JAK2: variants seen among roughly 807,000 people sequenced by gnomAD.
The protein encoded by JAK2 is Janus kinase 2, also known as tyrosine-protein kinase JAK2.
A neutral mutation model predicts 139.3 loss-of-function variants in JAK2; 86 were observed. The observed-to-expected ratio is 0.62, with a 90% CI of 0.52 to 0.74. The LOEUF (loss-of-function observed/expected upper bound fraction) is 0.74. Among genes scored for constraint, JAK2 ranks in the 30% least tolerant of loss-of-function variants. The probability of loss-of-function intolerance (pLI) is 0.00; values close to 1 mark genes in which losing one functional copy is unlikely to be tolerated. For synonymous variants in JAK2, 490 were observed against 437.7 expected (o/e 1.12, Z -1.49); for missense variants, 1,421 against 1,360.3 (o/e 1.04, Z -0.70).
At position 5,108,217 on chromosome 9, in the gene JAK2, T is replaced by C. The variant is rs533488322; in HGVS notation, c.3060-14787T>C. On this transcript the variant is annotated intron_variant, in intron 22 of 24. Transcript: ENST00000381652. ...AAAAGCTCTATATTTCTATATTGAT[T>C]TCCCTGCAGATTTTTTAAAATTATA... 5 of 152,264 alleles carry C rather than the reference T, an allele frequency of 3.3e-5. No individual in the cohort carries two copies. The East Asian group carries it at 9.6e-4, about 29-fold the overall frequency. The allele number at this position is 152,264 out of a possible 1,614,324, so 9.4% of individuals were successfully genotyped here. A position where few individuals can be genotyped will look rare whatever the true frequency, so the allele number is the denominator to read the frequency against.
At chr9:5,111,163 C>T in intron 22 of JAK2, 2 of 763,744 alleles carry the variant, frequency 2.6e-6, no homozygotes, top group South Asian at 2.9e-5. Flanking sequence ...TGCTGAGTCG[C>T]ACGGCAGCCA....
intron 22 of JAK2, chr9:5,113,558 C>T (rs1586823516): frequency 6.4e-6 from 1 of 156,304 alleles, no homozygotes; most frequent in East Asian, 1.9e-4. Flanking sequence ...CGCCTCCACA[C>T]AGGGCCCATC....
chr9:4,992,211 G>C (rs1372292197), intron 2 of JAK2, among the ~76,000 whole-genome samples: 1 of 152,214 alleles, frequency 6.6e-6, no homozygotes, highest in Non-Finnish European at 1.5e-5. Context: ...TAGCTGGGCT[G>C]TTAACTGGAG....
rs888181866 is a variant in JAK2 at position 5,126,851 on chromosome 9, C to T, written c.*60C>T. 1.4e-4 allele frequency: 140 copies of T among 991,870 alleles called. No homozygotes were observed. The highest frequency in any genetic ancestry group is 2.1e-4 in the Non-Finnish European group (131 of 635,816). The allele number at this position is 991,870 out of a possible 1,614,324, so 61.4% of individuals were successfully genotyped here. A position where few individuals can be genotyped will look rare whatever the true frequency, so the allele number is the denominator to read the frequency against. On this transcript the variant is annotated 3_prime_UTR_variant, in exon 25 of 25. Transcript: ENST00000381652. Reference sequence around the variant, plus strand: ...TTACAGAACAAAGTTTTATATTTCACATTGCTGTGGACTATTATTACATAT... The same window carrying T: ...TTACAGAACAAAGTTTTATATTTCATATTGCTGTGGACTATTATTACATAT...
chr9:5,041,460 G>A lies in JAK2; in HGVS notation c.351-2943G>A, dbSNP rs1206337763. Reference sequence around the variant, plus strand: ...CTGTGCAGCAGCCTCCCCTGGCAGGGGCTCAAGGCTGACACGATCATGAGC... The same window carrying A: ...CTGTGCAGCAGCCTCCCCTGGCAGGAGCTCAAGGCTGACACGATCATGAGC... On this transcript the variant is annotated intron_variant, in intron 4 of 24. Transcript: ENST00000381652. The A allele has an allele frequency of 2.1e-5, 13 of 608,992 alleles. No homozygotes were observed. In the Admixed American group the frequency reaches 2.9e-4, roughly 13 times the overall value. The allele number at this position is 608,992 out of a possible 1,614,324, so 37.7% of individuals were successfully genotyped here.
chr9:5,103,138 T>C (rs1358601846), intron 22 of JAK2, among the ~76,000 whole-genome samples: 1 of 145,918 alleles, frequency 6.9e-6, no homozygotes, highest in African/African-American at 2.6e-5. Context: ...CTGTGCTGTA[T>C]TCAGGAGACC....
At chr9:5,010,717 A>C (rs1000592278) in intron 2 of JAK2, among the ~76,000 whole-genome samples, 4 of 152,088 alleles carry the variant, frequency 2.6e-5, no homozygotes, top group African/African-American at 9.7e-5. Context: ...CTTTCTGTAA[A>C]CCTGAGTTTA....
chr9:5,116,313 A>C (rs1200527673), intron 22 of JAK2, among the ~76,000 whole-genome samples: 1 of 152,208 alleles, frequency 6.6e-6, no homozygotes, highest in Non-Finnish European at 1.5e-5. Flanking sequence ...TAATGCTTTA[A>C]TCTGGCATTA....
chr9:5,115,437 A>C (rs1392797979), intron 22 of JAK2, among the ~76,000 whole-genome samples: 1 of 152,234 alleles, frequency 6.6e-6, no homozygotes, highest in Admixed American at 6.5e-5. Context: ...ATGTGGAAAA[A>C]CAGGAATGCT....
intron 22 of JAK2, among the ~76,000 whole-genome samples, chr9:5,122,698 G>A (rs962689307): frequency 2.1e-4 from 32 of 151,984 alleles, no homozygotes; most frequent in Admixed American, 1.7e-3. Context: ...GGCACTCTCC[G>A]CCTGGCACAT....
At chr9:5,027,297 A>G (rs988411861) in intron 3 of JAK2, among the ~76,000 whole-genome samples, 3 of 152,244 alleles carry the variant, frequency 2.0e-5, no homozygotes, top group Non-Finnish European at 4.4e-5. Flanking sequence ...TAGGTTTCCC[A>G]GTGCATATAA....
intron 3 of JAK2, among the ~76,000 whole-genome samples, chr9:5,026,420 C>T (rs1048581171): frequency 6.6e-6 from 1 of 152,174 alleles, no homozygotes; most frequent in Non-Finnish European, 1.5e-5. Context: ...AATTATTACA[C>T]ATCTGTAAGT....
At chr9:5,111,420 CGAAGGTCGG>C in intron 22 of JAK2, 4 of 400,758 alleles carry the variant, frequency 1.0e-5, no homozygotes, top group South Asian at 7.8e-5. Context: ...ACGCAGCCCA[CGAAGGTCGG>C]GAAGGTCCCG....
At chr9:4,995,856 A>T (rs980164701) in intron 2 of JAK2, among the ~76,000 whole-genome samples, 1 of 152,048 alleles carries the variant, frequency 6.6e-6, no homozygotes, top group Non-Finnish European at 1.5e-5. Flanking sequence ...CCTTTTTTTT[A>T]AACTTTATTG....
chr9:5,085,064 T>A, intron 19 of JAK2: 1 of 704,950 alleles, frequency 1.4e-6, no homozygotes, highest in Non-Finnish European at 2.6e-6. Context: ...ATGAGAAGTT[T>A]ACTGCTCTCT....
chr9:5,053,212 T>C (rs1817544045), intron 6 of JAK2, among the ~76,000 whole-genome samples: 1 of 152,114 alleles, frequency 6.6e-6, no homozygotes, highest in Admixed American at 6.6e-5. Context: ...GATGTTCATT[T>C]CTCTAATGAC....
chr9:5,051,033 G>A (rs1478921233), intron 6 of JAK2, among the ~76,000 whole-genome samples: 3 of 152,240 alleles, frequency 2.0e-5, no homozygotes, highest in South Asian at 2.1e-4. Context: ...TACCAGTTGA[G>A]CACCCCTAAT....
chr9:5,111,114 C>T (rs942001053), intron 22 of JAK2: 55 of 1,216,008 alleles, frequency 4.5e-5, no homozygotes, highest in Non-Finnish European at 5.7e-5. Flanking sequence ...ACAGCTCCTC[C>T]TTTGACCCCA....
intron 4 of JAK2, among the ~76,000 whole-genome samples, chr9:5,030,815 C>A (rs1823095967): frequency 6.6e-6 from 1 of 151,940 alleles, no homozygotes; most frequent in African/African-American, 2.4e-5. Flanking sequence ...TTTGCATTTA[C>A]TGATGTCTAA....
Sources: gnomAD v4.1 joint callset for allele counts (sites outside exome capture counted in the v4.1 genomes callset) on GRCh38, gnomAD v4.1.1 for gene constraint, MANE v1.5 for transcripts, NCBI Gene and HGNC (gene_info 2026-07-23, HGNC 2026-07-21) for gene names.